The following ZNRF1 variants were observed in gnomAD, a reference collection of about 807,000 sequenced individuals.
The protein encoded by ZNRF1 is E3 ubiquitin-protein ligase ZNRF1.
Under a neutral mutation model 18.4 loss-of-function variants are expected in ZNRF1, and 3 were observed. The ratio of observed to expected loss-of-function variants is 0.16; its 90% CI spans 0.07 to 0.42. The LOEUF (loss-of-function observed/expected upper bound fraction) is 0.42, where lower values mean the gene tolerates loss of function less well. ZNRF1 is among the 10% of genes least tolerant of loss of function. The probability of loss-of-function intolerance (pLI) is 0.99; values close to 1 mark genes in which losing one functional copy is unlikely to be tolerated. For synonymous variants in ZNRF1, 157 were observed against 144.2 expected (o/e 1.09, Z -0.64); for missense variants, 310 against 329.8 (o/e 0.94, Z 0.47).
chr16:75,087,000 A>G (rs531997503), intron 1 of ZNRF1, among the ~76,000 whole-genome samples: 3 of 152,216 alleles, frequency 2.0e-5, no homozygotes, highest in Non-Finnish European at 4.4e-5. Flanking sequence ...CCGCCAGCAC[A>G]TGGTCCTGTC....
chr16:75,004,743 A>G (rs2034896444), intron 1 of ZNRF1, among the ~76,000 whole-genome samples: 1 of 152,104 alleles, frequency 6.6e-6, no homozygotes, highest in South Asian at 2.1e-4. Context: ...CTTCCAGAGT[A>G]GCTGGGACTC....
At position 75,089,521 on chromosome 16, in the gene ZNRF1, T is replaced by G. The variant is rs146232956; in HGVS notation, c.425-4051T>G. On this transcript the variant is annotated intron_variant, in intron 1 of 4. Transcript: ENST00000335325. ...TGTAGGCCTCTTCCTACACCAGTGG[T>G]GCTTCCTCTCCAGAGGTAATATTTC... is the stretch of plus-strand genomic sequence containing the variant. Among the ~76,000 whole-genome samples, 554 of 152,296 alleles carry G rather than the reference T, an allele frequency of 3.6e-3. 5 individuals carry two copies. Among genetic ancestry groups the G allele is most frequent in the African/African-American group, 0.013 (524 of 41,554 alleles).
At chr16:75,072,232 A>G (rs186174818) in intron 1 of ZNRF1, among the ~76,000 whole-genome samples, 1 of 152,062 alleles carries the variant, frequency 6.6e-6, no homozygotes, top group Non-Finnish European at 1.5e-5. Context: ...TCAGCCTCCC[A>G]AAGTGCTGGG....
At position 74,999,764 on chromosome 16, in the gene ZNRF1, G is replaced by A; in HGVS notation, c.93G>A (p.Ala31=). The change falls in exon 1 of 5, where the codon GCG becomes GCA. Residue 31 remains alanine, a synonymous_variant. Transcript: ENST00000335325. The stretch of plus-strand genomic sequence containing the variant: ...GCGCCGTGCCGCCGCCGGGAGGGGC[G>A]CCCCATTTCGGGCACTACCGGACGG... ...DDSAVPPPGG[A]PHFGHYRTGG... is the part of the protein sequence containing the mutation. The A allele has an allele frequency of 2.2e-6, 3 of 1,391,934 alleles. No individual in the cohort carries two copies. Among genetic ancestry groups the A allele is most frequent in the Non-Finnish European group, 2.8e-6 (3 of 1,079,338 alleles). The allele number at this position is 1,391,934 out of a possible 1,614,324, so 86.2% of individuals were successfully genotyped here. A position where few individuals can be genotyped will look rare whatever the true frequency, so the allele number is the denominator to read the frequency against.
chr16:75,069,857 C>G (rs1316525969), intron 1 of ZNRF1, among the ~76,000 whole-genome samples: 1 of 152,316 alleles, frequency 6.6e-6, no homozygotes, highest in African/African-American at 2.4e-5. Context: ...ATGCCCCAAA[C>G]TGTATCATCA....
chr16:75,051,231 G>A (rs1456354739), intron 1 of ZNRF1, among the ~76,000 whole-genome samples: 6 of 151,664 alleles, frequency 4.0e-5, no homozygotes, highest in African/African-American at 7.3e-5. Context: ...TTTCTGAGAC[G>A]GAGTCTCACT....
At position 75,107,633 on chromosome 16, in the gene ZNRF1, C is replaced by T. The variant is rs141405429; in HGVS notation, c.*33-100C>T. 665 of 445,664 alleles carry T rather than the reference C, an allele frequency of 1.5e-3. 1 individual carries two copies. Among genetic ancestry groups the T allele is most frequent in the African/African-American group, 0.012 (604 of 49,586 alleles). The allele number at this position is 445,664 out of a possible 1,614,324, so 27.6% of individuals were successfully genotyped here. ...TTTGGCTTCTGGGGTCCTGTGTAGACGCCCCAGCCCCGCCTGCCCTCTTGG... is the reference window on the plus strand; with the variant it reads ...TTTGGCTTCTGGGGTCCTGTGTAGATGCCCCAGCCCCGCCTGCCCTCTTGG... On this transcript the variant is annotated intron_variant, in intron 4 of 4. Coordinates refer to ENST00000335325, the MANE Select transcript of ZNRF1 (RefSeq NM_032268.5).
At chr16:75,029,911 A>T (rs1229384262) in intron 1 of ZNRF1, among the ~76,000 whole-genome samples, 1 of 151,958 alleles carries the variant, frequency 6.6e-6, no homozygotes, top group African/African-American at 2.4e-5. Context: ...AAAAAAAATT[A>T]GCCAGGTGTT....
At position 75,043,681 on chromosome 16, in the gene ZNRF1, A is replaced by ATG. The variant is rs201061200; in HGVS notation, c.424+43586_424+43587insTG. 6.9e-3 allele frequency among the ~76,000 whole-genome samples: 1,055 copies of ATG among 152,266 alleles called. 7 individuals are homozygous for ATG. The highest frequency in any genetic ancestry group is 0.024 in the African/African-American group (987 of 41,540). ...AAAAGAGACAGTATATGGCATATAT[A>ATG]CACAGGTATATATAGCATGTAAGAG... On this transcript the variant is annotated intron_variant, in intron 1 of 4. Coordinates refer to ENST00000335325, the MANE Select transcript of ZNRF1 (RefSeq NM_032268.5).
intron 1 of ZNRF1, among the ~76,000 whole-genome samples, chr16:75,042,086 A>G (rs1006639824): frequency 6.6e-6 from 1 of 152,184 alleles, no homozygotes; most frequent in African/African-American, 2.4e-5. Flanking sequence ...GTATATCCTC[A>G]TTTTTAAAAA....
At chr16:75,021,302 A>C (rs887056865) in intron 1 of ZNRF1, among the ~76,000 whole-genome samples, 1 of 151,646 alleles carries the variant, frequency 6.6e-6, no homozygotes, top group African/African-American at 2.4e-5. Context: ...GCCTCCCACG[A>C]TGCTGGGATT....
At chr16:75,091,822 C>G (rs1165943637) in intron 1 of ZNRF1, among the ~76,000 whole-genome samples, 1 of 151,998 alleles carries the variant, frequency 6.6e-6, no homozygotes, top group African/African-American at 2.4e-5. Flanking sequence ...CAGGCATGCA[C>G]GACCACACCC....
chr16:75,059,422 A>G (rs2035715108), intron 1 of ZNRF1, among the ~76,000 whole-genome samples: 1 of 150,892 alleles, frequency 6.6e-6, no homozygotes, highest in Non-Finnish European at 1.5e-5. Flanking sequence ...TAAGTTTTGT[A>G]TTTTTTGTAG....
At chr16:75,028,911 C>G (rs2035260886) in intron 1 of ZNRF1, among the ~76,000 whole-genome samples, 1 of 152,178 alleles carries the variant, frequency 6.6e-6, no homozygotes, top group Non-Finnish European at 1.5e-5. Context: ...GTTTTATCTC[C>G]TTTGCAGATT....
intron 1 of ZNRF1, among the ~76,000 whole-genome samples, chr16:75,063,837 A>T (rs2035770337): frequency 6.6e-6 from 1 of 152,088 alleles, no homozygotes; most frequent in South Asian, 2.1e-4. Context: ...AGCAATGAGG[A>T]GGGGAAAAGT....
intron 1 of ZNRF1, among the ~76,000 whole-genome samples, chr16:75,060,139 C>T (rs1012749034): frequency 1.2e-4 from 19 of 152,060 alleles, no homozygotes; most frequent in African/African-American, 3.9e-4. Flanking sequence ...CTGCAACCTC[C>T]GCCTCACAGG....
chr16:75,087,640 A>G (rs1220731104), intron 1 of ZNRF1, among the ~76,000 whole-genome samples: 1 of 152,210 alleles, frequency 6.6e-6, no homozygotes, highest in Non-Finnish European at 1.5e-5. Context: ...GAATTGGGTG[A>G]TTAAGGACAC....
intron 2 of ZNRF1, among the ~76,000 whole-genome samples, chr16:75,102,135 T>TG (rs2036261264): frequency 1.3e-5 from 2 of 152,126 alleles, no homozygotes; most frequent in South Asian, 4.1e-4. Context: ...GGGTTCCTGG[T>TG]GGGGGGCTTT....
chr16:75,029,440 G>A (rs546171208), intron 1 of ZNRF1, among the ~76,000 whole-genome samples: 29 of 152,124 alleles, frequency 1.9e-4, no homozygotes, highest in Non-Finnish European at 3.7e-4. Context: ...GAGCCACCAC[G>A]CCCGGCTGAC....
Sources: allele counts gnomAD v4.1 joint callset (sites outside exome capture counted in the v4.1 genomes callset), GRCh38; gene constraint gnomAD v4.1.1; transcripts MANE v1.5; gene names NCBI Gene and HGNC (gene_info 2026-07-23, HGNC 2026-07-21).